The following LAMP5 variants were observed in gnomAD, a reference collection of about 807,000 sequenced individuals.
LAMP5 encodes lysosome associated membrane protein 5, also known as lysosome-associated membrane glycoprotein 5.
A neutral mutation model predicts 30.2 loss-of-function variants in LAMP5; 36 were observed. The observed-to-expected ratio is 1.19, with a 90% CI of 0.91 to 1.57. LAMP5 has a LOEUF of 1.57. Among genes scored for constraint, LAMP5 ranks in the 40% most tolerant of loss-of-function variants. The pLI is 0.00. For missense variants in LAMP5, 377 were observed against 354.9 expected, an observed-to-expected ratio of 1.06 and a Z score of -0.50; for synonymous variants, 149 against 134.6, an observed-to-expected ratio of 1.11 and a Z score of -0.74.
At chr20:9,518,013 A>AGCAGGAGGGGCCTT in intron 4 of LAMP5, 27 bp from the exon 5 acceptor site, 1 of 933,510 alleles carries the variant, frequency 1.1e-6, no homozygotes, top group Non-Finnish European at 1.5e-6. Context: ...TGAGGGTTCT[A>AGCAGGAGGGGCCTT]ACTATTGCTC....
Position 9,514,844 on chromosome 20 carries a change from A to G in LAMP5, c.-9A>G. ...CAGCACAGCCGGCCTCATTCGGGGC[A>G]CTGCGAGTATGGATCTCCAAGGAAG... On this transcript the variant is annotated 5_prime_UTR_variant, in exon 1 of 6. Coordinates refer to ENST00000246070, the MANE Select transcript of LAMP5 (RefSeq NM_012261.4). The G allele has an allele frequency of 8.7e-6, 14 of 1,613,920 alleles. No homozygotes were observed. The highest frequency in any genetic ancestry group is 1.2e-5 in the Non-Finnish European group (14 of 1,179,904).
At chr20:9,516,155 A>AG in intron 3 of LAMP5, 24 bp downstream of exon 3, 1 of 1,582,366 alleles carries the variant, frequency 6.3e-7, no homozygotes, top group Non-Finnish European at 8.6e-7. Context: ...CAGCGGGCAG[A>AG]GGGGCCGCAG....
chr20:9,525,848 T>G (rs181717247), intron 5 of LAMP5, among the ~76,000 whole-genome samples: 1 of 152,206 alleles, frequency 6.6e-6, no homozygotes, highest in Non-Finnish European at 1.5e-5. Context: ...CCAGTGATTT[T>G]GCTACATAAG....
At chr20:9,524,043 T>C (rs544476269) in intron 5 of LAMP5, among the ~76,000 whole-genome samples, 1 of 152,384 alleles carries the variant, frequency 6.6e-6, no homozygotes, top group African/African-American at 2.4e-5. Context: ...CTGTCACCAA[T>C]AGAAATCATA....
Position 9,518,191 on chromosome 20 carries a change from A to T in LAMP5, c.627A>T (p.Gln209His), listed in dbSNP as rs748485662. The T allele has an allele frequency of 1.9e-5, 30 of 1,613,986 alleles. No homozygotes were observed. The highest frequency in any genetic ancestry group is 2.4e-5 in the Non-Finnish European group (28 of 1,180,016). Residue 209 changes from glutamine (Q) to histidine (H), a missense_variant, in exon 5 of 6, where the codon CAA becomes CAT. Coordinates refer to ENST00000246070, the MANE Select transcript of LAMP5 (RefSeq NM_012261.4). ...VTMILSAVHIQPFDIISDFVF... is the reference protein window; with the variant it reads ...VTMILSAVHIHPFDIISDFVF... ...TGATCCTGTCTGCGGTCCACATCCA[A>T]CCTTTTGACATTATCTCAGATTTTG...
intron 5 of LAMP5, among the ~76,000 whole-genome samples, chr20:9,526,018 T>C (rs1303184801): frequency 6.6e-6 from 1 of 152,138 alleles, no homozygotes; most frequent in East Asian, 1.9e-4. Flanking sequence ...TGGGTAACTA[T>C]GAAATTGCTC....
intron 5 of LAMP5, among the ~76,000 whole-genome samples, chr20:9,521,665 A>G (rs16996022): frequency 0.053 from 8,082 of 152,236 alleles, 332 homozygotes; most frequent in East Asian, 0.21. Flanking sequence ...GTTCTTCCAC[A>G]ATTAATTTCT....
chr20:9,516,697 G>A (rs143119737), intron 4 of LAMP5, among the ~76,000 whole-genome samples: 13 of 152,296 alleles, frequency 8.5e-5, no homozygotes, highest in African/African-American at 3.1e-4. Flanking sequence ...GAAGGGCAAA[G>A]CTGCATTTTA....
chr20:9,524,611 A>C (rs1241190561), intron 5 of LAMP5, among the ~76,000 whole-genome samples: 8 of 150,476 alleles, frequency 5.3e-5, no homozygotes, highest in African/African-American at 1.2e-4. Context: ...AAAAAAAAAA[A>C]AAAAACAAAC....
chr20:9,514,839 G>A lies in LAMP5; in HGVS notation c.-14G>A, dbSNP rs367916180. On this transcript the variant is annotated 5_prime_UTR_variant, in exon 1 of 6. Coordinates refer to ENST00000246070, the MANE Select transcript of LAMP5 (RefSeq NM_012261.4). ...TGCAGCAGCACAGCCGGCCTCATTC[G>A]GGGCACTGCGAGTATGGATCTCCAA... 1.9e-6 allele frequency: 3 copies of A among 1,613,856 alleles called. No individual in the cohort carries two copies. The highest frequency in any genetic ancestry group is 2.2e-5 in the East Asian group (1 of 44,872).
At position 9,529,742 on chromosome 20, in the gene LAMP5, T is replaced by G; in HGVS notation, c.765T>G (p.Ile255Met). Residue 255 changes from isoleucine to methionine, a missense_variant, in exon 6 of 6, where the codon ATT becomes ATG. Coordinates refer to ENST00000246070, the MANE Select transcript of LAMP5 (RefSeq NM_012261.4). ...LGLVIMVTLA[I>M]YHVHHKMTAN... ...TCGTCATCATGGTAACACTCGCGAT[T>G]TACCACGTCCACCACAAAATGACTG... 6.2e-7 allele frequency: 1 copy of G among 1,614,120 alleles called. No individual in the cohort carries two copies. The highest frequency in any genetic ancestry group is 1.3e-5 in the African/African-American group (1 of 75,032).
rs371250828 is a variant in LAMP5 at position 9,518,120 on chromosome 20, C to T, written c.556C>T (p.Gln186Ter). Residue 186 changes from glutamine to a stop codon, truncating the protein, a stop_gained, in exon 5 of 6, where the codon CAA becomes TAA. Coordinates refer to ENST00000246070, the MANE Select transcript of LAMP5 (RefSeq NM_012261.4). LOFTEE classifies it high-confidence loss of function. ...AGKSYECQAQ[Q>*]TISLASSDPQ... Reference sequence around the variant, plus strand: ...GAAGTCCTATGAGTGTCAAGCTCAACAAACCATTTCACTGGCCTCTAGTGA... The same window carrying T: ...GAAGTCCTATGAGTGTCAAGCTCAATAAACCATTTCACTGGCCTCTAGTGA... The T allele has an allele frequency of 6.2e-7, 1 of 1,614,184 alleles. No individual in the cohort carries two copies. The highest frequency in any genetic ancestry group is 8.5e-7 in the Non-Finnish European group (1 of 1,180,014).
intron 4 of LAMP5, 40 bp downstream of exon 4, chr20:9,516,401 A>G: frequency 6.7e-7 from 1 of 1,500,552 alleles, no homozygotes. Flanking sequence ...GAGCCTGGGA[A>G]CTCGCAGAAC....
intron 5 of LAMP5, among the ~76,000 whole-genome samples, chr20:9,520,960 G>GC (rs1381846506): frequency 1.9e-5 from 1 of 53,634 alleles, no homozygotes; most frequent in Non-Finnish European, 3.0e-5. Flanking sequence ...ACGCAGAGTT[G>GC]GTTCACTTAG....
chr20:9,518,484 CTT>C (rs1251379878), intron 5 of LAMP5, among the ~76,000 whole-genome samples: 1 of 152,214 alleles, frequency 6.6e-6, no homozygotes, highest in African/African-American at 2.4e-5. Flanking sequence ...CTCAGTCTCC[CTT>C]TGTTTCCTCC....
chr20:9,529,273 T>C (rs2045134129), intron 5 of LAMP5, among the ~76,000 whole-genome samples: 1 of 152,206 alleles, frequency 6.6e-6, no homozygotes, highest in South Asian at 2.1e-4. Context: ...TACATATTTT[T>C]ATATAATGCG....
chr20:9,529,830 G>A lies in LAMP5; in HGVS notation c.*10G>A. On this transcript the variant is annotated 3_prime_UTR_variant, in exon 6 of 6. Transcript: ENST00000246070. ...TAAGCACATGGGCTAGAGGCCGTTA[G>A]GCAGGCACCCCCTATTCCTGCTCCC... is the stretch of plus-strand genomic sequence containing the variant. The A allele has an allele frequency of 6.2e-7, 1 of 1,613,376 alleles. No homozygotes were observed. Among genetic ancestry groups the A allele is most frequent in the Non-Finnish European group, 8.5e-7 (1 of 1,179,432 alleles).
intron 2 of LAMP5, 67 bp downstream of exon 2, chr20:9,515,692 G>A (rs2045031972): frequency 6.5e-7 from 1 of 1,550,078 alleles, no homozygotes; most frequent in Admixed American, 1.8e-5. Context: ...CCTTCCTCAA[G>A]GCTCTTCGAA....
In LAMP5 at chr20:9,514,640, C is replaced by T. The variant is rs2232256; in HGVS notation, c.-213C>T. ...TGGACCGCCGTGCGGTCCTTTCCTC[C>T]GCAGTGAGCCGATTTGCTCTGCCAG... On this transcript the variant is annotated 5_prime_UTR_variant, in exon 1 of 6. Coordinates refer to ENST00000246070, the MANE Select transcript of LAMP5 (RefSeq NM_012261.4). The T allele has an allele frequency of 0.72, 344,329 of 475,070 alleles. 128,463 individuals are homozygous for T. Among genetic ancestry groups the T allele is most frequent in the Middle Eastern group, 0.88 (1,366 of 1,544 alleles). The allele number at this position is 475,070 out of a possible 1,614,324, so 29.4% of individuals were successfully genotyped here.
Sources: allele counts gnomAD v4.1 joint callset (sites outside exome capture counted in the v4.1 genomes callset), GRCh38; gene constraint gnomAD v4.1.1; transcripts MANE v1.5; gene names NCBI Gene and HGNC (gene_info 2026-07-23, HGNC 2026-07-21).